The following STK3 variants were observed in gnomAD, a reference collection of about 807,000 sequenced individuals.
STK3 encodes serine/threonine-protein kinase 3.
In STK3, 41 loss-of-function variants were observed where a neutral mutation model predicts 58.0. The ratio of observed to expected loss-of-function variants is 0.71; its 90% CI spans 0.55 to 0.92. The LOEUF (loss-of-function observed/expected upper bound fraction) is 0.92, where lower values mean the gene tolerates loss of function less well. Ranked by LOEUF, STK3 falls within the 40% of genes least tolerant of loss-of-function variation. The pLI is 0.00. For missense variants in STK3, 479 were observed against 602.7 expected (o/e 0.79, Z 2.15); for synonymous variants, 170 against 191.0 (o/e 0.89, Z 0.91).
At chr8:98,789,341 C>G (rs1475823316) in intron 1 of STK3, among the ~76,000 whole-genome samples, 1 of 152,018 alleles carries the variant, frequency 6.6e-6, no homozygotes, top group Admixed American at 6.5e-5. Flanking sequence ...GGCCACACCT[C>G]AAGGACCTAG....
intron 4 of STK3, among the ~76,000 whole-genome samples, chr8:98,720,750 CAAA>C (rs35529460): frequency 7.4e-5 from 7 of 94,766 alleles, no homozygotes; most frequent in Non-Finnish European, 6.5e-5. Flanking sequence ...GACTCCGTCT[CAAA>C]AAAAAAAAAA....
chr8:98,923,649 G>A (rs1839657479), intron 1 of STK3, among the ~76,000 whole-genome samples: 1 of 152,134 alleles, frequency 6.6e-6, no homozygotes, highest in African/African-American at 2.4e-5. Flanking sequence ...GAAGCCCACA[G>A]TACAAGGGTG....
At position 98,475,603 on chromosome 8, in the gene STK3, C is replaced by T. The variant is rs1821246976; in HGVS notation, c.1318-19603G>A. Among the ~76,000 whole-genome samples, 4 of 152,152 alleles carry T rather than the reference C, an allele frequency of 2.6e-5. No homozygotes were observed. In the South Asian group the frequency reaches 6.2e-4, roughly 24 times the overall value. On this transcript the variant is annotated intron_variant, in intron 10 of 10. Coordinates refer to ENST00000419617, the MANE Select transcript of STK3 (RefSeq NM_006281.4). ...TACAAAAATGAGGTCTGACCTGAAA[C>T]ACCATCCATTTGAAATATTTAAAAA...
At chr8:98,668,400 T>C (rs1467394211) in intron 6 of STK3, among the ~76,000 whole-genome samples, 9 of 152,216 alleles carry the variant, frequency 5.9e-5, no homozygotes, top group Admixed American at 5.9e-4. Context: ...TTTTTAGCAG[T>C]GCTTCAGGGA....
At chr8:98,684,856 T>C (rs190421558) in intron 6 of STK3, among the ~76,000 whole-genome samples, 1 of 152,160 alleles carries the variant, frequency 6.6e-6, no homozygotes, top group Admixed American at 6.5e-5. Context: ...GGACCACACA[T>C]TTTTTAACGA....
intron 1 of STK3, among the ~76,000 whole-genome samples, chr8:98,900,771 C>T (rs780168832): frequency 1.3e-5 from 2 of 151,678 alleles, no homozygotes; most frequent in Non-Finnish European, 2.9e-5. Flanking sequence ...AAGTGATTCT[C>T]CTGCCTCAGC....
intron 1 of STK3, among the ~76,000 whole-genome samples, chr8:98,919,700 A>G (rs1839482657): frequency 6.6e-6 from 1 of 152,268 alleles, no homozygotes; most frequent in African/African-American, 2.4e-5. Context: ...TAGATAATAT[A>G]GAGATGGCAG....
intron 8 of STK3, among the ~76,000 whole-genome samples, chr8:98,548,882 A>C (rs1282449638): frequency 6.6e-6 from 1 of 152,152 alleles, no homozygotes; most frequent in Non-Finnish European, 1.5e-5. Context: ...GGAATCATAC[A>C]ATATATTTTG....
In STK3 at chr8:98,863,122, T is replaced by C. The variant is rs1018128972; in HGVS notation, c.110+20525A>G. On this transcript the variant is annotated intron_variant, in intron 3 of 12. Transcript: ENST00000523601. ...TCAGGAGGATATGGTTCCTTTTTTATGGTGTGAGCAGGAGGTCCCCAGCCA... is the reference window on the plus strand; with the variant it reads ...TCAGGAGGATATGGTTCCTTTTTTACGGTGTGAGCAGGAGGTCCCCAGCCA... Among the ~76,000 whole-genome samples, 10 of 152,276 alleles carry C rather than the reference T, an allele frequency of 6.6e-5. 1 individual carries two copies. The highest frequency in any genetic ancestry group is 2.2e-4 in the African/African-American group (9 of 41,554).
At chr8:98,426,618 T>TTA (rs1818236591) in intron 3 of STK3, among the ~76,000 whole-genome samples, 1 of 152,140 alleles carries the variant, frequency 6.6e-6, no homozygotes, top group African/African-American at 2.4e-5. Context: ...CGGGAAACTT[T>TTA]TCTTCAGGTC....
intron 3 of STK3, among the ~76,000 whole-genome samples, chr8:98,839,179 T>C (rs913060475): frequency 6.6e-6 from 1 of 152,044 alleles, no homozygotes; most frequent in Non-Finnish European, 1.5e-5. Context: ...CCGGAGTAGC[T>C]GGGACTACAG....
chr8:98,349,125 G>T, the STK3 span, among the ~76,000 whole-genome samples: 14 of 152,228 alleles, frequency 9.2e-5, no homozygotes, highest in African/African-American at 3.1e-4. Context: ...GAACTTAAAT[G>T]TGTATTCCTA....
Position 98,761,229 on chromosome 8 carries a change from TC to T in STK3, c.236+6013del. 2.0e-5 allele frequency among the ~76,000 whole-genome samples: 3 copies of T among 151,206 alleles called. No homozygotes were observed. The South Asian group carries it at 6.3e-4, about 32-fold the overall frequency. ...ACCTCTGCTTCCTGGGCTCAAGCAA[TC>T]CTCCCAACCTCAGCCTCCCAAGTAG... On this transcript the variant is annotated intron_variant, in intron 3 of 10. Coordinates refer to ENST00000419617, the MANE Select transcript of STK3 (RefSeq NM_006281.4).
intron 6 of STK3, among the ~76,000 whole-genome samples, chr8:98,608,428 T>C (rs1041166765): frequency 4.6e-5 from 7 of 152,188 alleles, no homozygotes; most frequent in African/African-American, 1.7e-4. Context: ...AACAGGAATA[T>C]TTTCTTCTGT....
At position 98,618,634 on chromosome 8, in the gene STK3, A is replaced by G. The variant is rs1234163212; in HGVS notation, c.685-22465T>C. Among the ~76,000 whole-genome samples the G allele has an allele frequency of 4.9e-5, 7 of 144,184 alleles. No individual in the cohort carries two copies. The East Asian group carries it at 1.5e-3, about 30-fold the overall frequency. The allele number at this position is 144,184 out of a possible 152,430, so 94.6% of individuals were successfully genotyped here. ...AGCAAAGTCTCAGGATACAAAATCA[A>G]TGTACAAAAATCACAAGCATTCTTA... is the stretch of plus-strand genomic sequence containing the variant. On this transcript the variant is annotated intron_variant, in intron 6 of 10. Coordinates refer to ENST00000419617, the MANE Select transcript of STK3 (RefSeq NM_006281.4).
intron 1 of STK3, among the ~76,000 whole-genome samples, chr8:98,793,194 A>T (rs979695999): frequency 6.6e-6 from 1 of 152,140 alleles, no homozygotes; most frequent in Non-Finnish European, 1.5e-5. Context: ...TGGGAAGCGG[A>T]TAAGGGATAA....
chr8:98,413,308 C>T (rs1317067441), intron 3 of STK3: 1 of 472,620 alleles, frequency 2.1e-6, no homozygotes, highest in Non-Finnish European at 4.2e-6. Flanking sequence ...AGCCACCATG[C>T]CTGGCCTAAT....
intron 8 of STK3, among the ~76,000 whole-genome samples, chr8:98,562,908 C>T (rs1812173714): frequency 6.8e-6 from 1 of 147,228 alleles, no homozygotes; most frequent in Admixed American, 6.9e-5. Flanking sequence ...GACCCAGTCT[C>T]AAAAGCAACA....
intron 6 of STK3, among the ~76,000 whole-genome samples, chr8:98,684,228 G>A (rs1017690755): frequency 1.3e-5 from 2 of 152,160 alleles, no homozygotes; most frequent in Non-Finnish European, 2.9e-5. Context: ...AGTAGAGGCT[G>A]CAGAAGACAT....
Sources: gnomAD v4.1 joint callset for allele counts (sites outside exome capture counted in the v4.1 genomes callset) on GRCh38, gnomAD v4.1.1 for gene constraint, MANE v1.5 for transcripts, NCBI Gene and HGNC (gene_info 2026-07-23, HGNC 2026-07-21) for gene names.